Variants in POLR2F observed in about 807,000 individuals in gnomAD.
POLR2F encodes the protein RNA polymerase II, I and III subunit F.
In POLR2F, 12 loss-of-function variants were observed where a neutral mutation model predicts 22.7. The observed-to-expected ratio is 0.53, with a 90% CI of 0.34 to 0.86. The LOEUF (loss-of-function observed/expected upper bound fraction) is 0.86, where lower values mean the gene tolerates loss of function less well. Ranked by LOEUF, POLR2F falls within the 40% of genes least tolerant of loss-of-function variation. POLR2F has a pLI of 0.02. For missense variants in POLR2F, 126 were observed against 171.5 expected (o/e 0.73, Z 1.48); for synonymous variants, 57 against 66.0 (o/e 0.86, Z 0.66).
downstream of POLR2F, chr22:37,970,934 G>C (rs889254718): frequency 3.8e-6 from 1 of 261,412 alleles, no homozygotes; most frequent in Admixed American, 5.1e-5. Context: ...TCGGGGTTTC[G>C]GTTACCATCC....
intron 1 of POLR2F, among the ~76,000 whole-genome samples, chr22:38,019,289 C>T (rs769061133): frequency 3.9e-5 from 6 of 152,090 alleles, no homozygotes; most frequent in East Asian, 3.9e-4. Context: ...CTTCAGCCCC[C>T]GGGCTTGACA....
rs748122722 is a variant in POLR2F at position 37,956,752 on chromosome 22, T to C, written c.21-21T>C. On this transcript the variant is annotated intron_variant, in intron 1 of 4. Transcript: ENST00000442738. ...TCTTTTAAGTGATGCTCTAAGTAAC[T>C]GATCTCTTCTTCCTGTACAGTTTTG... 1.9e-6 allele frequency: 3 copies of C among 1,600,414 alleles called. 1 individual carries two copies. Among genetic ancestry groups the C allele is most frequent in the East Asian group, 2.2e-5 (1 of 44,808 alleles).
At chr22:37,984,772 G>A (rs865914583), upstream of POLR2F, among the ~76,000 whole-genome samples, 1 of 152,160 alleles carries the variant, frequency 6.6e-6, no homozygotes, top group Non-Finnish European at 1.5e-5. The surrounding 1 kb of genome is among the most constrained non-coding windows in gnomAD (Gnocchi z 4.4). Context: ...TCTGGGAGGT[G>A]GAGGGGAGGT....
chr22:38,016,715 G>A lies in POLR2F; in HGVS notation c.121-9154G>A, dbSNP rs2084918492. ...TTCCAGCCCTGGGCGGGTGGAAAGA[G>A]TGCTGGCACGCACCGCGGGGGGAGG... On this transcript the variant is annotated intron_variant, in intron 1 of 2. Coordinates refer to the POLR2F transcript ENST00000333418. The surrounding 1 kb of genome is among the most constrained non-coding windows in gnomAD (Gnocchi z 4.4). 6.6e-6 allele frequency among the ~76,000 whole-genome samples: 1 copy of A among 151,314 alleles called. No individual in the cohort carries two copies. The highest frequency in any genetic ancestry group is 6.6e-5 in the Admixed American group (1 of 15,230).
At chr22:38,032,368 G>A (rs1329013564) in intron 5 of POLR2F, 1 of 152,372 alleles carries the variant, frequency 6.6e-6, no homozygotes, top group African/African-American at 2.4e-5. Context: ...CTTCCCAGGA[G>A]AGCTCTGGAG....
intron 5 of POLR2F, among the ~76,000 whole-genome samples, chr22:38,033,743 G>C (rs1450941113): frequency 9.8e-5 from 15 of 152,300 alleles, no homozygotes; most frequent in Non-Finnish European, 2.9e-5. Context: ...GGGTGGATGT[G>C]GGGAAGCCAC....
chr22:37,964,570 TTC>T (rs1931777738), intron 3 of POLR2F, among the ~76,000 whole-genome samples: 2 of 99,718 alleles, frequency 2.0e-5, no homozygotes, highest in South Asian at 3.3e-4. Flanking sequence ...CTTTCTTTCT[TTC>T]TTTTTTTTTT....
At position 37,980,432 on chromosome 22, in the gene POLR2F, A is replaced by G. The variant is rs1932362853; in HGVS notation, c.293+13262A>G. On this transcript the variant is annotated intron_variant, in intron 4 of 4. Coordinates refer to the POLR2F transcript ENST00000405557. The surrounding 1 kb of genome is among the most constrained non-coding windows in gnomAD (Gnocchi z 4.1). The stretch of plus-strand genomic sequence containing the variant: ...GGGGCCAGAAGAGAGAGAGGATTCC[A>G]ACATCGGATTCCGCTGCTACCTCCT... Among the ~76,000 whole-genome samples, 2 of 152,082 alleles carry G rather than the reference A, an allele frequency of 1.3e-5. No individual in the cohort carries two copies. Among genetic ancestry groups the G allele is most frequent in the African/African-American group, 4.8e-5 (2 of 41,392 alleles).
chr22:37,974,107 C>G (rs1170770614), downstream of POLR2F: 4 of 1,613,496 alleles, frequency 2.5e-6, no homozygotes, highest in Non-Finnish European at 3.4e-6. The surrounding 1 kb of genome is among the most constrained non-coding windows in gnomAD (Gnocchi z 5.4). Context: ...CGCCCTCCCC[C>G]ATGGAGCGCC....
chr22:38,041,200 G>A (rs1601924059), downstream of POLR2F: 5 of 1,585,982 alleles, frequency 3.2e-6, no homozygotes, highest in East Asian at 9.0e-5. Flanking sequence ...GCGGCCGCCA[G>A]GGAAGGGATG....
intron 4 of POLR2F, 148 bp from the exon 5 acceptor site, chr22:37,967,477 A>G: frequency 1.4e-6 from 2 of 1,447,124 alleles, no homozygotes; most frequent in Non-Finnish European, 1.8e-6. Flanking sequence ...TTTTTCTTGT[A>G]ATTGCTTTCT....
intron 1 of POLR2F, among the ~76,000 whole-genome samples, chr22:38,002,758 C>T (rs2084784295): frequency 6.6e-6 from 1 of 151,740 alleles, no homozygotes; most frequent in Non-Finnish European, 1.5e-5. Context: ...CGGAGTCTTG[C>T]TCTATCGCCC....
At chr22:37,974,063 A>G, downstream of POLR2F, 1 of 1,614,006 alleles carries the variant, frequency 6.2e-7, no homozygotes. The surrounding 1 kb of genome is among the most constrained non-coding windows in gnomAD (Gnocchi z 5.4). Context: ...GATCTCACCA[A>G]TGTCCACGTT....
chr22:37,977,192 T>C (rs952226678), intron 4 of POLR2F, among the ~76,000 whole-genome samples: 25 of 150,570 alleles, frequency 1.7e-4, no homozygotes, highest in Non-Finnish European at 3.5e-4. Context: ...AAAGAATGGC[T>C]GGTGGGAAAG....
Position 38,008,878 on chromosome 22 carries a change from A to C in POLR2F, c.121-16991A>C, listed in dbSNP as rs2084847634. Among the ~76,000 whole-genome samples the C allele has an allele frequency of 4.6e-5, 7 of 151,692 alleles. No individual in the cohort carries two copies. In the South Asian group the frequency reaches 1.4e-3, roughly 31 times the overall value. On this transcript the variant is annotated intron_variant, in intron 1 of 2. Transcript: ENST00000333418. ...GTCTCAAAAAAAAAAAAAAAGAAAG[A>C]AAAGAAAAAAAGCAGTGCATTAATT...
At chr22:38,012,637 C>T (rs894770603) in intron 1 of POLR2F, among the ~76,000 whole-genome samples, 7 of 152,184 alleles carry the variant, frequency 4.6e-5, no homozygotes, top group Admixed American at 2.0e-4. Context: ...CGGAATCCCA[C>T]GTTACGTTTA....
At chr22:37,986,080 C>A, upstream of POLR2F, 1 of 1,443,192 alleles carries the variant, frequency 6.9e-7, no homozygotes, top group Non-Finnish European at 9.1e-7. The surrounding 1 kb of genome is among the most constrained non-coding windows in gnomAD (Gnocchi z 4.7). Flanking sequence ...AAACAGTGAG[C>A]TGTCTTTGTT....
intron 3 of POLR2F, among the ~76,000 whole-genome samples, chr22:37,963,959 G>A (rs113679251): frequency 6.6e-6 from 1 of 151,964 alleles, no homozygotes; most frequent in Non-Finnish European, 1.5e-5. Context: ...AAAATTAGCC[G>A]GGTGTGGTGG....
At chr22:37,989,223 T>C (rs1932670725) in intron 1 of POLR2F, among the ~76,000 whole-genome samples, 1 of 152,200 alleles carries the variant, frequency 6.6e-6, no homozygotes, top group Non-Finnish European at 1.5e-5. Context: ...ACGATGTTGA[T>C]AATCTTATGC....
Sources: gnomAD v4.1 joint callset for allele counts (sites outside exome capture counted in the v4.1 genomes callset) on GRCh38, gnomAD v4.1.1 for gene constraint, Gnocchi (gnomAD v3.1) non-coding constraint, MANE v1.5 for transcripts, NCBI Gene and HGNC (gene_info 2026-07-23, HGNC 2026-07-21) for gene names.